The following TBC1D22A variants were observed in gnomAD, a reference collection of about 807,000 sequenced individuals.
TBC1D22A encodes the protein TBC1 domain family member 22A, also known as putative GTPase activator.
A neutral mutation model predicts 60.2 loss-of-function variants in TBC1D22A; 38 were observed. That is an observed-to-expected ratio of 0.63 (90% CI 0.49 to 0.83). The LOEUF (loss-of-function observed/expected upper bound fraction) is 0.83. Ranked by LOEUF, TBC1D22A falls within the 40% of genes least tolerant of loss-of-function variation. The pLI is 0.00. For synonymous variants in TBC1D22A, 302 were observed against 281.7 expected (o/e 1.07, Z -0.72); for missense variants, 628 against 701.0 (o/e 0.90, Z 1.18).
At chr22:47,077,638 A>T (rs1336919066) in intron 11 of TBC1D22A, among the ~76,000 whole-genome samples, 1 of 152,162 alleles carries the variant, frequency 6.6e-6, no homozygotes, top group Non-Finnish European at 1.5e-5. Flanking sequence ...CCCAGCAATG[A>T]GGTGCTCACA....
At chr22:46,880,857 A>G (rs1162008334) in intron 5 of TBC1D22A, among the ~76,000 whole-genome samples, 1 of 152,120 alleles carries the variant, frequency 6.6e-6, no homozygotes, top group Admixed American at 6.5e-5. Flanking sequence ...CAGGGCTTGG[A>G]TTGACAGATG....
At chr22:46,972,700 G>A (rs976805459) in intron 8 of TBC1D22A, among the ~76,000 whole-genome samples, 1 of 152,178 alleles carries the variant, frequency 6.6e-6, no homozygotes, top group Non-Finnish European at 1.5e-5. Flanking sequence ...AAAGGCTCTG[G>A]AACTAGCGGT....
At chr22:46,895,088 G>GTA (rs1448336660) in intron 7 of TBC1D22A, among the ~76,000 whole-genome samples, 1 of 152,204 alleles carries the variant, frequency 6.6e-6, no homozygotes, top group African/African-American at 2.4e-5. Flanking sequence ...ATGTGTGGAT[G>GTA]TATGCACTCA....
intron 11 of TBC1D22A, among the ~76,000 whole-genome samples, chr22:47,045,690 G>A (rs1449302390): frequency 1.3e-5 from 2 of 152,164 alleles, no homozygotes; most frequent in Non-Finnish European, 2.9e-5. Flanking sequence ...CCTACTGTGT[G>A]CTAGGCCTTG....
At chr22:46,975,728 A>G (rs1011792473) in intron 9 of TBC1D22A, among the ~76,000 whole-genome samples, 4 of 152,232 alleles carry the variant, frequency 2.6e-5, no homozygotes, top group Non-Finnish European at 5.9e-5. Flanking sequence ...TATGGCTTTT[A>G]TAGCCTGTGG....
chr22:47,157,624 G>A (rs547000965), intron 12 of TBC1D22A, among the ~76,000 whole-genome samples: 101 of 152,238 alleles, frequency 6.6e-4, no homozygotes, highest in Non-Finnish European at 1.1e-3. Context: ...AGAGCGTGCC[G>A]TCGTGAGCTC....
intron 12 of TBC1D22A, among the ~76,000 whole-genome samples, chr22:47,135,282 G>A (rs1403710139): frequency 6.6e-6 from 1 of 152,232 alleles, no homozygotes; most frequent in Non-Finnish European, 1.5e-5. Context: ...AGGGTCTGCG[G>A]TGGGTCCATT....
intron 4 of TBC1D22A, among the ~76,000 whole-genome samples, chr22:46,874,734 T>C (rs2067466518): frequency 6.6e-6 from 1 of 151,924 alleles, no homozygotes. Context: ...CCACCACGCC[T>C]GGCTAATTTT....
Position 46,813,286 on chromosome 22 carries a change from T to C in TBC1D22A, c.637+15666T>C, listed in dbSNP as rs552624923. Among the ~76,000 whole-genome samples, 4 of 152,382 alleles carry C rather than the reference T, an allele frequency of 2.6e-5. No homozygotes were observed. In the South Asian group the frequency reaches 8.3e-4, roughly 32 times the overall value. ...GCTTGGGGCTTCTGTGCTTGGAAATTCTGTCCCTATTACCTAAGCCACATA... is the reference window on the plus strand; with the variant it reads ...GCTTGGGGCTTCTGTGCTTGGAAATCCTGTCCCTATTACCTAAGCCACATA... On this transcript the variant is annotated intron_variant, in intron 4 of 12. Transcript: ENST00000337137.
At chr22:47,171,721 G>A (rs992641212) in intron 12 of TBC1D22A, among the ~76,000 whole-genome samples, 2 of 152,220 alleles carry the variant, frequency 1.3e-5, no homozygotes, top group Admixed American at 1.3e-4. Flanking sequence ...GTGGTCATGT[G>A]GGAGGGCGGG....
chr22:47,091,260 G>A (rs1164189017), intron 11 of TBC1D22A, among the ~76,000 whole-genome samples: 1 of 139,800 alleles, frequency 7.2e-6, no homozygotes, highest in African/African-American at 2.8e-5. Context: ...GCCTCGCAGA[G>A]GTTGTGGCTG....
At chr22:46,852,366 T>C (rs1264275489) in intron 4 of TBC1D22A, among the ~76,000 whole-genome samples, 1 of 152,080 alleles carries the variant, frequency 6.6e-6, no homozygotes, top group Non-Finnish European at 1.5e-5. Flanking sequence ...TGTGCCCCCC[T>C]GTCTGTGGTC....
chr22:46,808,221 G>A (rs1192026907), intron 4 of TBC1D22A, among the ~76,000 whole-genome samples: 2 of 152,066 alleles, frequency 1.3e-5, no homozygotes, highest in African/African-American at 4.8e-5. Context: ...AGCCGGGCGT[G>A]ATGGCACACG....
intron 11 of TBC1D22A, among the ~76,000 whole-genome samples, chr22:47,089,220 A>G (rs1354067976): frequency 6.6e-6 from 1 of 152,222 alleles, no homozygotes; most frequent in African/African-American, 2.4e-5. Context: ...TTAAGGAATC[A>G]TGGTTAATTG....
intron 11 of TBC1D22A, among the ~76,000 whole-genome samples, chr22:47,056,585 C>A (rs1379518939): frequency 6.6e-6 from 1 of 152,168 alleles, no homozygotes; most frequent in Non-Finnish European, 1.5e-5. Flanking sequence ...CTGTGCACAG[C>A]CACCATCCTG....
At chr22:46,853,249 T>C (rs1486200636) in intron 4 of TBC1D22A, among the ~76,000 whole-genome samples, 1 of 152,198 alleles carries the variant, frequency 6.6e-6, no homozygotes, top group East Asian at 1.9e-4. Flanking sequence ...AGCCTGGTCA[T>C]ATTTCTCACC....
chr22:47,072,241 G>A (rs1266303678), intron 11 of TBC1D22A, among the ~76,000 whole-genome samples: 3 of 152,196 alleles, frequency 2.0e-5, no homozygotes, highest in Non-Finnish European at 2.9e-5. Flanking sequence ...AGGATGTGGA[G>A]CTGCCCAGCT....
intron 11 of TBC1D22A, among the ~76,000 whole-genome samples, chr22:47,091,883 T>C (rs1471871350): frequency 6.6e-6 from 1 of 152,152 alleles, no homozygotes; most frequent in African/African-American, 2.4e-5. Flanking sequence ...ACCATTCTCT[T>C]AATCACCTGT....
intron 4 of TBC1D22A, among the ~76,000 whole-genome samples, chr22:46,810,706 C>T (rs1446802803): frequency 2.6e-5 from 4 of 152,142 alleles, no homozygotes; most frequent in African/African-American, 9.7e-5. Context: ...AAAGAATAGG[C>T]AGATATTTAA....
Sources: allele counts gnomAD v4.1 joint callset (sites outside exome capture counted in the v4.1 genomes callset), GRCh38; gene constraint gnomAD v4.1.1; transcripts MANE v1.5; gene names NCBI Gene and HGNC (gene_info 2026-07-23, HGNC 2026-07-21).